ELL2: variants seen among roughly 807,000 people sequenced by gnomAD.
ELL2 encodes RNA polymerase II elongation factor ELL2.
In ELL2, 21 loss-of-function variants were observed where a neutral mutation model predicts 72.8. The ratio of observed to expected loss-of-function variants is 0.29; its 90% CI spans 0.20 to 0.42. The LOEUF is 0.42. Among genes scored for constraint, ELL2 ranks in the 10% least tolerant of loss-of-function variants. The pLI is 1.00. For synonymous variants in ELL2, 266 were observed against 283.2 expected (o/e 0.94, Z 0.61); for missense variants, 568 against 772.8 (o/e 0.73, Z 3.14).
Position 95,889,124 on chromosome 5 carries a change from G to T in ELL2, c.1768C>A (p.His590Asn), listed in dbSNP as rs754920792. Reference sequence around the variant, plus strand: ...TGATATTCTTGTAAGACTTCTTCATGAACATTCTACAAAATTAAATATTAG... The same window carrying T: ...TGATATTCTTGTAAGACTTCTTCATTAACATTCTACAAAATTAAATATTAG... ...SPGSKEYQNVHEEVLQEYQKI... is the reference protein window; with the variant it reads ...SPGSKEYQNVNEEVLQEYQKI... Residue 590 changes from histidine (H) to asparagine (N), a missense_variant, in exon 11 of 12, where the codon CAT becomes AAT. Coordinates refer to ENST00000237853, the MANE Select transcript of ELL2 (RefSeq NM_012081.6). 1.9e-6 allele frequency: 3 copies of T among 1,607,060 alleles called. No homozygotes were observed. Among genetic ancestry groups the T allele is most frequent in the Non-Finnish European group, 1.7e-6 (2 of 1,175,582 alleles).
At chr5:95,948,316 G>A (rs1254318547) in intron 1 of ELL2, among the ~76,000 whole-genome samples, 1 of 151,486 alleles carries the variant, frequency 6.6e-6, no homozygotes, top group East Asian at 2.0e-4. Flanking sequence ...TGTAATCGCA[G>A]CTACTCGGGA....
chr5:95,956,105 C>T (rs1174751579), intron 1 of ELL2, among the ~76,000 whole-genome samples: 1 of 152,124 alleles, frequency 6.6e-6, no homozygotes. Context: ...TAAGTCATTC[C>T]AAGAATTCTA....
chr5:95,913,651 CA>C (rs1749683617), intron 4 of ELL2, 119 bp downstream of exon 4: 16 of 1,180,292 alleles, frequency 1.4e-5, no homozygotes, highest in Non-Finnish European at 1.7e-5. Flanking sequence ...CCATGTTATC[CA>C]AAATGTTCTG....
chr5:95,927,413 G>GTA (rs569462021), intron 2 of ELL2, among the ~76,000 whole-genome samples: 5,228 of 31,928 alleles, frequency 0.16, 1,255 homozygotes, highest in South Asian at 0.19. Context: ...ACACACGTGT[G>GTA]TATATAGACA....
chr5:95,948,383 TGG>T (rs2112354191), intron 1 of ELL2, among the ~76,000 whole-genome samples: 1 of 125,468 alleles, frequency 8.0e-6, no homozygotes, highest in South Asian at 2.6e-4. Context: ...TGAGCCGAGA[TGG>T]CGCCACAGCA....
chr5:95,929,522 G>C (rs1036981556), intron 2 of ELL2, among the ~76,000 whole-genome samples: 2 of 152,098 alleles, frequency 1.3e-5, no homozygotes, highest in African/African-American at 4.8e-5. Flanking sequence ...CTTCCAAAGT[G>C]CTGGGATTAC....
chr5:95,950,904 GTATATATA>G (rs869036736), intron 1 of ELL2, among the ~76,000 whole-genome samples: 1,886 of 46,358 alleles, frequency 0.041, 46 homozygotes, highest in Middle Eastern at 0.056. Flanking sequence ...GTATGTATGT[GTATATATA>G]TATATATATA....
chr5:95,951,411 A>AT (rs59858317), intron 1 of ELL2, among the ~76,000 whole-genome samples: 25,786 of 150,866 alleles, frequency 0.17, 2,315 homozygotes, highest in East Asian at 0.32. Context: ...AAATAAATCA[A>AT]CAACACTTGA....
chr5:95,907,296 A>ATATATATTTTTTTTTTTT, intron 4 of ELL2, among the ~76,000 whole-genome samples: 55 of 116,472 alleles, frequency 4.7e-4, no homozygotes, highest in African/African-American at 2.1e-3. Context: ...ATATATATAT[A>ATATATATTTTTTTTTTTT]TTTTTTTTTT....
At chr5:95,893,096 T>C (rs1748726821) in intron 9 of ELL2, among the ~76,000 whole-genome samples, 1 of 152,220 alleles carries the variant, frequency 6.6e-6, no homozygotes, top group African/African-American at 2.4e-5. Flanking sequence ...ATACCTTCAG[T>C]ATTTTATTTA....
chr5:95,950,927 T>C lies in ELL2; in HGVS notation c.148-7878A>G, dbSNP rs1294039489. On this transcript the variant is annotated intron_variant, in intron 1 of 11. Coordinates refer to ENST00000237853, the MANE Select transcript of ELL2 (RefSeq NM_012081.6). Reference sequence around the variant, plus strand: ...GTGTATATATATATATATATATATATATATATATATATATATATATATATA... The same window carrying C: ...GTGTATATATATATATATATATATACATATATATATATATATATATATATA... Among the ~76,000 whole-genome samples the C allele has an allele frequency of 7.1e-4, 86 of 121,456 alleles. 4 individuals are homozygous for C. The highest frequency in any genetic ancestry group is 2.3e-3 in the African/African-American group (72 of 31,116). The allele number at this position is 121,456 out of a possible 152,430, so 79.7% of individuals were successfully genotyped here.
intron 9 of ELL2, 70 bp from the exon 10 acceptor site, chr5:95,891,344 C>G: frequency 1.4e-6 from 2 of 1,473,152 alleles, no homozygotes; most frequent in Non-Finnish European, 1.8e-6. Context: ...GAGATTTAAA[C>G]CAAATATTTA....
At chr5:95,890,442 C>T (rs1007521171) in intron 10 of ELL2, among the ~76,000 whole-genome samples, 13 of 152,212 alleles carry the variant, frequency 8.5e-5, no homozygotes, top group African/African-American at 2.7e-4. Flanking sequence ...TTATCTAGCC[C>T]ACACGGGAGG....
Position 95,906,757 on chromosome 5 carries a change from T to C in ELL2, c.507A>G (p.Ala169=). 6.2e-7 allele frequency: 1 copy of C among 1,612,070 alleles called. No homozygotes were observed. The highest frequency in any genetic ancestry group is 8.5e-7 in the Non-Finnish European group (1 of 1,178,760). Reference sequence around the variant, plus strand: ...GAACTGTATCTGAAACAGCTTGAGGTGCTTTCCGAATTTGCACTCTTTTCC... The same window carrying C: ...GAACTGTATCTGAAACAGCTTGAGGCGCTTTCCGAATTTGCACTCTTTTCC... ...YVGKRVQIRK[A]PQAVSDTVPE... is the part of the protein sequence containing the mutation. Residue 169 remains alanine, a synonymous_variant, in exon 5 of 12, where the codon GCA becomes GCG. Transcript: ENST00000237853.
chr5:95,952,551 T>C (rs760542358), intron 1 of ELL2, among the ~76,000 whole-genome samples: 3 of 152,232 alleles, frequency 2.0e-5, no homozygotes, highest in Non-Finnish European at 4.4e-5. Context: ...GTAACACTTT[T>C]ATAATTTCCT....
chr5:95,912,123 G>A (rs1749626333), intron 4 of ELL2, among the ~76,000 whole-genome samples: 1 of 152,194 alleles, frequency 6.6e-6, no homozygotes. Context: ...GTACCATTAG[G>A]AAGTGTATGG....
At chr5:95,958,302 G>A (rs1751692049) in intron 1 of ELL2, among the ~76,000 whole-genome samples, 1 of 152,166 alleles carries the variant, frequency 6.6e-6, no homozygotes, top group Non-Finnish European at 1.5e-5. Context: ...AACGATGGAA[G>A]ACAAGAAAGA....
chr5:95,902,509 G>A (rs1417405015), intron 5 of ELL2, among the ~76,000 whole-genome samples: 1 of 152,084 alleles, frequency 6.6e-6, no homozygotes, highest in African/African-American at 2.4e-5. Context: ...AATTTTTAAG[G>A]CTAGGAGAAA....
chr5:95,893,575 C>T (rs1381279819), intron 9 of ELL2, among the ~76,000 whole-genome samples: 16 of 152,140 alleles, frequency 1.1e-4, no homozygotes, highest in South Asian at 4.2e-4. Flanking sequence ...TTAGTAGAGA[C>T]GGGGTTTCAC....
Sources: allele counts gnomAD v4.1 joint callset (sites outside exome capture counted in the v4.1 genomes callset), GRCh38; gene constraint gnomAD v4.1.1; transcripts MANE v1.5; gene names NCBI Gene and HGNC (gene_info 2026-07-23, HGNC 2026-07-21).